IPO5: variants seen among roughly 807,000 people sequenced by gnomAD.
IPO5 encodes the protein importin-5.
In IPO5, 18 loss-of-function variants were observed where a neutral mutation model predicts 143.3. That is an observed-to-expected ratio of 0.13 (90% CI 0.09 to 0.19). The LOEUF (loss-of-function observed/expected upper bound fraction) is 0.19. Among genes scored for constraint, IPO5 ranks in the 10% least tolerant of loss-of-function variants. IPO5 has a pLI of 1.00. For synonymous variants in IPO5, 477 were observed against 465.7 expected (o/e 1.02, Z -0.31); for missense variants, 1,013 against 1,336.9 (o/e 0.76, Z 3.78).
chr13:97,967,400 GTCT>G (rs1264515251), intron 2 of IPO5, among the ~76,000 whole-genome samples: 1 of 151,306 alleles, frequency 6.6e-6, no homozygotes. Flanking sequence ...TTTCCTTTTA[GTCT>G]TCTTTCTCTT....
chr13:97,956,633 C>T (rs1406263017), intron 2 of IPO5, among the ~76,000 whole-genome samples: 1 of 152,150 alleles, frequency 6.6e-6, no homozygotes, highest in Non-Finnish European at 1.5e-5. Flanking sequence ...TTCTCTAAAG[C>T]TTCTCCTAAA....
At chr13:98,019,168 G>A (rs1278469988) in intron 26 of IPO5, among the ~76,000 whole-genome samples, 1 of 152,206 alleles carries the variant, frequency 6.6e-6, no homozygotes. Context: ...TAGCCAGGAT[G>A]GTCTCGATCT....
intron 13 of IPO5, 94 bp downstream of exon 13, chr13:98,000,739 TTG>T: frequency 1.2e-6 from 1 of 809,046 alleles, no homozygotes; most frequent in Non-Finnish European, 2.1e-6. Flanking sequence ...AAATTAATCT[TTG>T]TCTTTTTATC....
At chr13:97,986,040 A>G (rs1887312712) in intron 6 of IPO5, among the ~76,000 whole-genome samples, 1 of 152,150 alleles carries the variant, frequency 6.6e-6, no homozygotes, top group Non-Finnish European at 1.5e-5. Context: ...CCTGAGCCCC[A>G]GAAGCTGGAG....
At chr13:97,981,956 A>G (rs1044545726) in intron 4 of IPO5, 3 of 152,756 alleles carry the variant, frequency 2.0e-5, no homozygotes, top group African/African-American at 4.8e-5. Context: ...TCCTGACCAC[A>G]TTCATTTATC....
intron 21 of IPO5, 43 bp from the exon 22 acceptor site, chr13:98,013,999 G>C: frequency 6.4e-7 from 1 of 1,561,658 alleles, no homozygotes; most frequent in Middle Eastern, 1.7e-4. Flanking sequence ...TAACATTTAA[G>C]CAAAATAATA....
intron 4 of IPO5, among the ~76,000 whole-genome samples, chr13:97,981,869 G>C (rs190722143): frequency 6.6e-6 from 1 of 152,294 alleles, no homozygotes; most frequent in Admixed American, 6.5e-5. Flanking sequence ...ATTATTAGCA[G>C]AGGATAGAGT....
intron 2 of IPO5, among the ~76,000 whole-genome samples, chr13:97,968,093 G>A (rs1204081854): frequency 1.3e-5 from 2 of 152,164 alleles, no homozygotes; most frequent in Admixed American, 6.5e-5. Context: ...AAAGCACTGT[G>A]ATTAGAGACA....
chr13:97,998,380 C>T (rs1260785810), intron 12 of IPO5, among the ~76,000 whole-genome samples: 8 of 152,104 alleles, frequency 5.3e-5, no homozygotes. Flanking sequence ...TATAAAGCAG[C>T]TTTTTTGTGA....
At chr13:97,999,983 G>A (rs1888624307) in intron 12 of IPO5, among the ~76,000 whole-genome samples, 1 of 152,026 alleles carries the variant, frequency 6.6e-6, no homozygotes, top group South Asian at 2.1e-4. Context: ...GGTGGGGGTG[G>A]TCTTGAAAAA....
At chr13:97,963,109 A>G (rs565766003) in intron 2 of IPO5, 2 of 152,280 alleles carry the variant, frequency 1.3e-5, no homozygotes, top group South Asian at 4.1e-4. Flanking sequence ...GTGGAGGGTA[A>G]TTTGCTTTAG....
intron 20 of IPO5, among the ~76,000 whole-genome samples, chr13:98,011,647 C>G (rs590038): frequency 6.6e-6 from 1 of 151,762 alleles, no homozygotes; most frequent in Admixed American, 6.6e-5. Flanking sequence ...CCTGGCATTA[C>G]AGGTGCCCGC....
At chr13:97,977,951 A>G (rs1047588200) in intron 4 of IPO5, among the ~76,000 whole-genome samples, 1 of 152,242 alleles carries the variant, frequency 6.6e-6, no homozygotes, top group Non-Finnish European at 1.5e-5. Flanking sequence ...TCAGGCCTGA[A>G]GACTTTTCCA....
intron 4 of IPO5, chr13:97,982,266 G>T: frequency 2.4e-6 from 1 of 409,740 alleles, no homozygotes; most frequent in South Asian, 5.0e-5. Flanking sequence ...GGGAAAACAT[G>T]CACACACATT....
intron 13 of IPO5, 165 bp downstream of exon 13, chr13:98,000,810 T>C: frequency 3.4e-6 from 2 of 586,580 alleles, no homozygotes; most frequent in Non-Finnish European, 6.1e-6. Context: ...CCAAAGAAAA[T>C]GTACAGATTT....
At chr13:97,957,680 CAA>C (rs1884554458) in intron 2 of IPO5, among the ~76,000 whole-genome samples, 1 of 152,042 alleles carries the variant, frequency 6.6e-6, no homozygotes, top group Non-Finnish European at 1.5e-5. Context: ...AAAATAAAAA[CAA>C]TAAAAATAAA....
intron 4 of IPO5, among the ~76,000 whole-genome samples, chr13:97,981,566 A>G (rs904208166): frequency 2.0e-5 from 3 of 152,248 alleles, no homozygotes; most frequent in African/African-American, 7.2e-5. Flanking sequence ...TATGGTAGCA[A>G]TGAGAGCAGG....
At chr13:98,020,496 A>G (rs573547332) in intron 27 of IPO5, among the ~76,000 whole-genome samples, 1 of 152,204 alleles carries the variant, frequency 6.6e-6, no homozygotes, top group Admixed American at 6.5e-5. Context: ...TGAAATGACC[A>G]GGTCTTAATC....
At chr13:97,979,348 A>G (rs949589041) in intron 4 of IPO5, among the ~76,000 whole-genome samples, 1 of 152,250 alleles carries the variant, frequency 6.6e-6, no homozygotes, top group African/African-American at 2.4e-5. Context: ...AGAGACGTCA[A>G]AACTCTAAAA....
Sources: gnomAD v4.1 joint callset for allele counts (sites outside exome capture counted in the v4.1 genomes callset) on GRCh38, gnomAD v4.1.1 for gene constraint, MANE v1.5 for transcripts, NCBI Gene and HGNC (gene_info 2026-07-23, HGNC 2026-07-21) for gene names.